The following SGCZ variants were observed in gnomAD, a reference collection of about 807,000 sequenced individuals.
SGCZ encodes the protein sarcoglycan zeta, also known as zeta-sarcoglycan.
Under a neutral mutation model 41.3 loss-of-function variants are expected in SGCZ, and 40 were observed. That is an observed-to-expected ratio of 0.97 (90% CI 0.75 to 1.26). SGCZ has a LOEUF of 1.26. SGCZ is among the 50% of genes most tolerant of loss of function. The pLI, the probability that SGCZ is intolerant of heterozygous loss-of-function variation, is 0.00. For synonymous variants in SGCZ, 206 were observed against 137.5 expected (o/e 1.50, Z -3.49); for missense variants, 552 against 369.8 (o/e 1.49, Z -4.04).
chr8:15,016,393 G>C (rs1803033589), intron 1 of SGCZ, among the ~76,000 whole-genome samples: 1 of 152,196 alleles, frequency 6.6e-6, no homozygotes, highest in Non-Finnish European at 1.5e-5. Context: ...CATGGCGATG[G>C]TAGGTGGATG....
At chr8:14,330,802 G>A (rs1379357570) in intron 2 of SGCZ, among the ~76,000 whole-genome samples, 1 of 151,620 alleles carries the variant, frequency 6.6e-6, no homozygotes, top group African/African-American at 2.4e-5. Context: ...TGAGCATTTT[G>A]GCATGAAATT....
At chr8:14,113,099 A>C (rs190654667) in intron 5 of SGCZ, among the ~76,000 whole-genome samples, 10 of 152,226 alleles carry the variant, frequency 6.6e-5, no homozygotes, top group Admixed American at 6.5e-4. Flanking sequence ...TACCACCACA[A>C]AATACAACCT....
At chr8:14,455,614 A>G (rs1022167677) in intron 2 of SGCZ, among the ~76,000 whole-genome samples, 9 of 152,224 alleles carry the variant, frequency 5.9e-5, no homozygotes, top group Non-Finnish European at 1.2e-4. Flanking sequence ...AATCTACTTT[A>G]AAAGCATACC....
chr8:14,711,709 T>G (rs552671909), intron 1 of SGCZ, among the ~76,000 whole-genome samples: 56 of 152,076 alleles, frequency 3.7e-4, no homozygotes, highest in African/African-American at 1.3e-3. Context: ...GTAGCATTAG[T>G]GTTAATAGTC....
chr8:15,080,653 C>G (rs1805709599), intron 1 of SGCZ, among the ~76,000 whole-genome samples: 1 of 152,068 alleles, frequency 6.6e-6, no homozygotes, highest in Non-Finnish European at 1.5e-5. Context: ...TGCAGTGGCG[C>G]AATCTCAGCT....
At chr8:14,821,774 GA>G (rs1004342753) in intron 1 of SGCZ, among the ~76,000 whole-genome samples, 73 of 151,628 alleles carry the variant, frequency 4.8e-4, no homozygotes, top group African/African-American at 1.6e-3. Flanking sequence ...ATCCCTTCAT[GA>G]AAAAAAATTA....
intron 3 of SGCZ, among the ~76,000 whole-genome samples, chr8:14,264,443 C>A (rs4831569): frequency 0.38 from 57,398 of 151,998 alleles, 12,382 homozygotes; most frequent in Non-Finnish European, 0.5. Context: ...CATGGACCCA[C>A]ATGCCAGATT....
chr8:14,149,657 A>AG (rs1803636482), intron 5 of SGCZ, among the ~76,000 whole-genome samples: 2 of 438 alleles, frequency 4.6e-3, no homozygotes, highest in South Asian at 0.25. Flanking sequence ...TCTTCATAGG[A>AG]AAAAAAAAAA....
intron 1 of SGCZ, among the ~76,000 whole-genome samples, chr8:14,977,902 C>T (rs866320239): frequency 2.0e-5 from 2 of 100,692 alleles, no homozygotes; most frequent in Non-Finnish European, 2.3e-5. Context: ...CACACACACA[C>T]ACACACACAT....
At chr8:14,162,472 T>A (rs1400256131) in intron 5 of SGCZ, 2 of 152,166 alleles carry the variant, frequency 1.3e-5, no homozygotes, top group Admixed American at 6.6e-5. Flanking sequence ...CAACAAGCAA[T>A]TCAAATGTTA....
At position 14,982,409 on chromosome 8, in the gene SGCZ, A is replaced by G. The variant is rs376129912; in HGVS notation, c.39+255176T>C. On this transcript the variant is annotated intron_variant, in intron 1 of 7. Coordinates refer to ENST00000382080, the MANE Select transcript of SGCZ (RefSeq NM_139167.4). ...TTTCACTGAACCTCAGTCTCATCAT[A>G]CAGAAAAATGAGATAACATATTTCT... 7.6e-4 allele frequency among the ~76,000 whole-genome samples: 116 copies of G among 152,320 alleles called. 1 individual carries two copies. In the South Asian group the frequency reaches 0.016, roughly 21 times the overall value.
intron 4 of SGCZ, among the ~76,000 whole-genome samples, chr8:14,168,572 AC>A (rs1804278502): frequency 6.6e-6 from 1 of 152,128 alleles, no homozygotes. Flanking sequence ...GTAAGATGTG[AC>A]TTGCTCCTCC....
chr8:14,895,005 T>TG (rs1156667704), intron 1 of SGCZ, among the ~76,000 whole-genome samples: 3 of 152,156 alleles, frequency 2.0e-5, no homozygotes, highest in Admixed American at 1.3e-4. Context: ...TGCTAAAGTT[T>TG]GGGGGTCCAG....
intron 1 of SGCZ, among the ~76,000 whole-genome samples, chr8:15,017,788 G>T (rs1329988175): frequency 6.6e-6 from 1 of 152,206 alleles, no homozygotes; most frequent in Admixed American, 6.5e-5. Context: ...TTTCAGGTGT[G>T]AGCCGTGGTG....
intron 1 of SGCZ, among the ~76,000 whole-genome samples, chr8:14,599,317 T>C (rs907512309): frequency 6.6e-6 from 1 of 152,208 alleles, no homozygotes; most frequent in Non-Finnish European, 1.5e-5. Context: ...CATTTTAAAG[T>C]CCTTCGTCCT....
At chr8:15,111,683 C>G (rs1031130295) in intron 1 of SGCZ, among the ~76,000 whole-genome samples, 3 of 152,012 alleles carry the variant, frequency 2.0e-5, no homozygotes, top group African/African-American at 7.2e-5. Flanking sequence ...GGGCGGATCA[C>G]GAGGTCAAGA....
chr8:14,801,742 G>A (rs1219853836), intron 1 of SGCZ, among the ~76,000 whole-genome samples: 1 of 152,148 alleles, frequency 6.6e-6, no homozygotes, highest in South Asian at 2.1e-4. Flanking sequence ...AACAAATTAA[G>A]AAATGACTGA....
intron 4 of SGCZ, among the ~76,000 whole-genome samples, chr8:14,236,153 C>G (rs1220202858): frequency 6.6e-6 from 1 of 152,172 alleles, no homozygotes; most frequent in Non-Finnish European, 1.5e-5. Flanking sequence ...GCAGTTCCAA[C>G]ATAACAGGAA....
At chr8:14,599,132 A>T (rs1805506240) in intron 1 of SGCZ, among the ~76,000 whole-genome samples, 1 of 152,172 alleles carries the variant, frequency 6.6e-6, no homozygotes, top group Non-Finnish European at 1.5e-5. Context: ...TCATCTCCGT[A>T]CATCAATTTC....
Sources: gnomAD v4.1 joint callset for allele counts (sites outside exome capture counted in the v4.1 genomes callset) on GRCh38, gnomAD v4.1.1 for gene constraint, MANE v1.5 for transcripts, NCBI Gene and HGNC (gene_info 2026-07-23, HGNC 2026-07-21) for gene names.